Variants in SLC39A11 observed in about 807,000 individuals in gnomAD.
The protein encoded by SLC39A11 is zinc transporter ZIP11.
Under a neutral mutation model 36.1 loss-of-function variants are expected in SLC39A11, and 33 were observed. That is an observed-to-expected ratio of 0.91 (90% CI 0.69 to 1.22). The LOEUF is 1.22. Ranked by LOEUF, SLC39A11 falls within the 50% of genes most tolerant of loss-of-function variation. SLC39A11 has a pLI of 0.00. For synonymous variants in SLC39A11, 166 were observed against 170.3 expected (o/e 0.97, Z 0.20); for missense variants, 432 against 430.3 (o/e 1.00, Z -0.03).
At chr17:72,652,498 T>C (rs1598222864) in intron 7 of SLC39A11, among the ~76,000 whole-genome samples, 1 of 152,182 alleles carries the variant, frequency 6.6e-6, no homozygotes, top group Non-Finnish European at 1.5e-5. Context: ...CTCAAGCCCT[T>C]AGCACACGGG....
chr17:72,861,397 G>T (rs1346626179), intron 5 of SLC39A11, among the ~76,000 whole-genome samples: 28 of 151,954 alleles, frequency 1.8e-4, no homozygotes, highest in Admixed American at 1.8e-3. Context: ...GTCACTTTGT[G>T]TTTTTTATTT....
chr17:72,950,129 C>G (rs1598551180), intron 4 of SLC39A11, among the ~76,000 whole-genome samples: 1 of 152,200 alleles, frequency 6.6e-6, no homozygotes, highest in Admixed American at 6.5e-5. Flanking sequence ...CTCATCTATT[C>G]TCATTTGTCT....
intron 5 of SLC39A11, among the ~76,000 whole-genome samples, chr17:72,937,911 C>T (rs2084874024): frequency 1.3e-5 from 2 of 152,114 alleles, no homozygotes; most frequent in Non-Finnish European, 1.5e-5. Context: ...GCCATCCTCC[C>T]GGAATGCCTC....
chr17:72,953,929 A>G (rs1399843632), intron 4 of SLC39A11, among the ~76,000 whole-genome samples: 1 of 152,184 alleles, frequency 6.6e-6, no homozygotes, highest in Non-Finnish European at 1.5e-5. Flanking sequence ...CTTCTATCGC[A>G]CGGATTCAGG....
Position 72,678,029 on chromosome 17 carries a change from A to G in SLC39A11, c.672-28761T>C, listed in dbSNP as rs8081837. Among the ~76,000 whole-genome samples, 1,025 of 152,278 alleles carry G rather than the reference A, an allele frequency of 6.7e-3. 12 individuals carry two copies. The highest frequency in any genetic ancestry group is 0.024 in the African/African-American group (987 of 41,550). Reference sequence around the variant, plus strand: ...CTTGAGGATCTCGGAAGACAGTCAAATGCATTCATCAACTAATATCCCACA... The same window carrying G: ...CTTGAGGATCTCGGAAGACAGTCAAGTGCATTCATCAACTAATATCCCACA... On this transcript the variant is annotated intron_variant, in intron 7 of 9. Transcript: ENST00000255559.
At chr17:72,982,526 C>T (rs1439399303) in intron 4 of SLC39A11, among the ~76,000 whole-genome samples, 7 of 152,170 alleles carry the variant, frequency 4.6e-5, no homozygotes, top group South Asian at 2.1e-4. Flanking sequence ...TCGTCCATAT[C>T]GGTCAACTGA....
intron 7 of SLC39A11, among the ~76,000 whole-genome samples, chr17:72,649,644 C>CTTTTTTTT (rs5821920): frequency 7.2e-6 from 1 of 138,198 alleles, no homozygotes; most frequent in Non-Finnish European, 1.5e-5. Context: ...TTTTCTTTTT[C>CTTTTTTTT]TTTTTTTTTT....
chr17:72,950,540 C>G (rs1252463182), intron 4 of SLC39A11, among the ~76,000 whole-genome samples: 3 of 152,182 alleles, frequency 2.0e-5, no homozygotes, highest in African/African-American at 7.2e-5. Context: ...TTCTACATCT[C>G]CTGCTGACAT....
intron 5 of SLC39A11, among the ~76,000 whole-genome samples, chr17:72,929,338 T>C (rs1304869974): frequency 6.6e-6 from 1 of 152,102 alleles, no homozygotes; most frequent in East Asian, 1.9e-4. Flanking sequence ...ATACAAGACA[T>C]GGCTACCCCA....
chr17:72,698,401 G>A (rs1323594519), intron 7 of SLC39A11, among the ~76,000 whole-genome samples: 3 of 150,220 alleles, frequency 2.0e-5, no homozygotes, highest in Non-Finnish European at 4.4e-5. Flanking sequence ...ACACATACGG[G>A]GTTTATTATG....
chr17:72,838,496 C>T (rs939595701), intron 6 of SLC39A11, among the ~76,000 whole-genome samples: 1 of 152,142 alleles, frequency 6.6e-6, no homozygotes, highest in African/African-American at 2.4e-5. Flanking sequence ...TCCCAAAATG[C>T]TGGGATTACA....
intron 5 of SLC39A11, among the ~76,000 whole-genome samples, chr17:72,919,747 C>G (rs1187718595): frequency 6.6e-6 from 1 of 151,870 alleles, no homozygotes; most frequent in African/African-American, 2.4e-5. Context: ...ATGATGACCC[C>G]GCGTGGGGTG....
intron 5 of SLC39A11, among the ~76,000 whole-genome samples, chr17:72,875,100 G>A (rs866197888): frequency 6.6e-6 from 1 of 152,048 alleles, no homozygotes; most frequent in African/African-American, 2.4e-5. Context: ...GAGGAGACAG[G>A]GTTATTTTGG....
chr17:72,749,145 C>T (rs961264187), intron 6 of SLC39A11, among the ~76,000 whole-genome samples: 1 of 152,208 alleles, frequency 6.6e-6, no homozygotes, highest in Admixed American at 6.5e-5. Flanking sequence ...TCTTGGAAGA[C>T]ACAAAAACTC....
chr17:72,716,980 A>T (rs575921987), intron 7 of SLC39A11, among the ~76,000 whole-genome samples: 5,270 of 130,362 alleles, frequency 0.04, 184 homozygotes, highest in African/African-American at 0.089. Context: ...AAAAAAAAAA[A>T]ATATATATAT....
intron 6 of SLC39A11, among the ~76,000 whole-genome samples, chr17:72,846,587 G>T (rs569403020): frequency 5.3e-5 from 8 of 152,294 alleles, no homozygotes; most frequent in African/African-American, 1.7e-4. Flanking sequence ...GCCTTCCATT[G>T]GGATGAGCCA....
chr17:73,020,982 G>A (rs532692541), intron 4 of SLC39A11, among the ~76,000 whole-genome samples: 74 of 152,074 alleles, frequency 4.9e-4, no homozygotes, highest in Middle Eastern at 3.4e-3. Flanking sequence ...CGCCCAGCCC[G>A]GAGAGAACAA....
intron 7 of SLC39A11, among the ~76,000 whole-genome samples, chr17:72,685,450 TG>T (rs2071704780): frequency 6.6e-6 from 1 of 151,742 alleles, no homozygotes; most frequent in Admixed American, 6.6e-5. Context: ...GCAGGATCTT[TG>T]TGTGTTCAAG....
intron 3 of SLC39A11, among the ~76,000 whole-genome samples, chr17:73,042,723 A>G (rs904913995): frequency 2.0e-5 from 3 of 152,102 alleles, no homozygotes; most frequent in Non-Finnish European, 2.9e-5. Flanking sequence ...AATTGCTTGA[A>G]CCTGGGAGGC....
Sources: gnomAD v4.1 joint callset for allele counts (sites outside exome capture counted in the v4.1 genomes callset) on GRCh38, gnomAD v4.1.1 for gene constraint, MANE v1.5 for transcripts, NCBI Gene and HGNC (gene_info 2026-07-23, HGNC 2026-07-21) for gene names.